Variants in PCDHGA4 observed in about 807,000 individuals in gnomAD.
The protein encoded by PCDHGA4 is protocadherin gamma subfamily A, 4, also known as protocadherin gamma-A4.
Under a neutral mutation model 54.6 loss-of-function variants are expected in PCDHGA4, and 38 were observed. The observed-to-expected ratio is 0.70, with a 90% CI of 0.54 to 0.91. The LOEUF is 0.91. Ranked by LOEUF, PCDHGA4 falls within the 40% of genes least tolerant of loss-of-function variation. The pLI, the probability that PCDHGA4 is intolerant of heterozygous loss-of-function variation, is 0.00. For missense variants in PCDHGA4, 1,298 were observed against 1,220.9 expected (o/e 1.06, Z -0.94); for synonymous variants, 511 against 512.9 (o/e 1.00, Z 0.05).
At position 141,431,516 on chromosome 5, in the gene PCDHGA4, G is replaced by C. The variant is rs941913367; in HGVS notation, c.2515-63291G>C. 3.1e-6 allele frequency: 5 copies of C among 1,613,954 alleles called. No homozygotes were observed. In the African/African-American group the frequency reaches 6.7e-5, roughly 22 times the overall value. On this transcript the variant is annotated intron_variant, in intron 1 of 3. Coordinates refer to ENST00000571252, the MANE Select transcript of PCDHGA4 (RefSeq NM_018917.4). This position sits in a 1 kb window ranked among gnomAD's most constrained non-coding sequence, Gnocchi z 4.8. ...GCCCGAGTACCGCGCGAGCGTTCCG[G>C]AGAATCTGGCCTTGGGCACGCAGCT... is the stretch of plus-strand genomic sequence containing the variant.
intron 1 of PCDHGA4, chr5:141,422,919 G>A (rs1445179310): frequency 3.7e-6 from 6 of 1,614,238 alleles, no homozygotes; most frequent in Non-Finnish European, 5.1e-6. Flanking sequence ...CCGAGATCCT[G>A]TACCCTGCCC....
intron 1 of PCDHGA4, chr5:141,414,676 CA>C (rs779931467): frequency 5.6e-5 from 91 of 1,613,916 alleles, no homozygotes; most frequent in Middle Eastern, 1.6e-4. Context: ...AGACACCATC[CA>C]GGGGGTACCT....
intron 1 of PCDHGA4, chr5:141,366,822 T>C: frequency 6.5e-7 from 1 of 1,538,974 alleles, no homozygotes; most frequent in Non-Finnish European, 8.8e-7. Flanking sequence ...TTCTGTCATA[T>C]TCAGAATCAG....
chr5:141,410,153 C>G (rs200651346), intron 1 of PCDHGA4: 9 of 1,612,786 alleles, frequency 5.6e-6, no homozygotes. Context: ...TGACGGTGGA[C>G]AGCCGCCACT....
intron 1 of PCDHGA4, chr5:141,360,993 A>G: frequency 1.2e-6 from 2 of 1,613,632 alleles, no homozygotes; most frequent in Non-Finnish European, 1.7e-6. Context: ...ATGTGGACGA[A>G]CAAGTGAAAC....
At chr5:141,450,898 C>T (rs929869116) in intron 1 of PCDHGA4, among the ~76,000 whole-genome samples, 12 of 150,412 alleles carry the variant, frequency 8.0e-5, no homozygotes, top group African/African-American at 2.9e-4. Context: ...GATATCGGCT[C>T]ACTGCAACCG....
chr5:141,389,886 G>A, intron 1 of PCDHGA4: 1 of 1,614,078 alleles, frequency 6.2e-7, no homozygotes, highest in Non-Finnish European at 8.5e-7. Context: ...CAGCTTGCAG[G>A]AGGTGCTGCC....
At chr5:141,399,645 A>C (rs762123604) in intron 1 of PCDHGA4, 8 of 1,613,676 alleles carry the variant, frequency 5.0e-6, no homozygotes, top group Admixed American at 1.7e-5. Flanking sequence ...TGAGCGCGCA[A>C]AGTGGGGTGG....
At chr5:141,405,377 G>T (rs763495028) in intron 1 of PCDHGA4, 29 of 1,603,350 alleles carry the variant, frequency 1.8e-5, no homozygotes, top group Admixed American at 3.5e-5. Flanking sequence ...TTTGGTTCCG[G>T]TGAGTTCATT....
chr5:141,368,346 CACACACATATATAT>C (rs1161760512), intron 1 of PCDHGA4, among the ~76,000 whole-genome samples: 26 of 152,176 alleles, frequency 1.7e-4, no homozygotes, highest in South Asian at 1.4e-3. Context: ...TATACATATA[CACACACATATATAT>C]ACACACATAT....
chr5:141,447,078 G>A (rs531206989), intron 1 of PCDHGA4, among the ~76,000 whole-genome samples: 5 of 152,018 alleles, frequency 3.3e-5, no homozygotes, highest in Non-Finnish European at 7.4e-5. Context: ...TTTAATTTTT[G>A]TTGTTTAATT....
rs2097383894 is a variant in PCDHGA4, at chr5:141,431,489, C to T, written c.2515-63318C>T. On this transcript the variant is annotated intron_variant, in intron 1 of 3. Transcript: ENST00000571252. This position sits in a 1 kb window ranked among gnomAD's most constrained non-coding sequence, Gnocchi z 4.8. ...GAACGACAACGCACCAGCGTTTGCTCAGCCCGAGTACCGCGCGAGCGTTCC... is the reference window on the plus strand; with the variant it reads ...GAACGACAACGCACCAGCGTTTGCTTAGCCCGAGTACCGCGCGAGCGTTCC... The T allele has an allele frequency of 1.2e-6, 2 of 1,613,850 alleles. No homozygotes were observed. The highest frequency in any genetic ancestry group is 3.3e-5 in the Admixed American group (2 of 60,016).
intron 1 of PCDHGA4, chr5:141,389,382 T>C (rs2091728828): frequency 6.2e-7 from 1 of 1,613,704 alleles, no homozygotes; most frequent in East Asian, 2.2e-5. Flanking sequence ...GCGGGAGCTG[T>C]CATCCTACGT....
At chr5:141,413,148 C>G (rs370253778) in intron 1 of PCDHGA4, 10 of 1,570,530 alleles carry the variant, frequency 6.4e-6, no homozygotes, top group Middle Eastern at 1.7e-4. Flanking sequence ...CCAGTGAGGA[C>G]TTTGCAGAAT....
Position 141,490,652 on chromosome 5 carries a change from C to T in PCDHGA4, c.2515-4155C>T, listed in dbSNP as rs1277273880. The T allele has an allele frequency of 1.2e-6, 2 of 1,614,208 alleles. No individual in the cohort carries two copies. The highest frequency in any genetic ancestry group is 1.7e-6 in the Non-Finnish European group (2 of 1,180,026). On this transcript the variant is annotated intron_variant, in intron 1 of 3. Coordinates refer to ENST00000571252, the MANE Select transcript of PCDHGA4 (RefSeq NM_018917.4). The surrounding 1 kb of genome is among the most constrained non-coding windows in gnomAD (Gnocchi z 5.4). ...ATCCTAGAAAACCGGCCTCCGGGCT[C>T]CCTTCTTTGCACTGTGGCTGCCTCA...
At chr5:141,421,267 C>A in intron 1 of PCDHGA4, 1 of 1,611,374 alleles carries the variant, frequency 6.2e-7, no homozygotes, top group South Asian at 1.1e-5. Flanking sequence ...CAGTCGGCTG[C>A]TGCTGCTGCT....
At chr5:141,418,479 C>G (rs375821205) in intron 1 of PCDHGA4, 3 of 1,614,010 alleles carry the variant, frequency 1.9e-6, no homozygotes, top group Non-Finnish European at 1.7e-6. Context: ...ACGCAGAGCG[C>G]TCACCACTTG....
intron 3 of PCDHGA4, among the ~76,000 whole-genome samples, chr5:141,509,320 C>A (rs1261653347): frequency 6.6e-6 from 1 of 152,194 alleles, no homozygotes; most frequent in Non-Finnish European, 1.5e-5. Flanking sequence ...GGGAGAGAAG[C>A]TCTACTGCCA....
Position 141,431,485 on chromosome 5 carries a change from T to G in PCDHGA4, c.2515-63322T>G. 2 of 1,613,924 alleles carry G rather than the reference T, an allele frequency of 1.2e-6. No individual in the cohort carries two copies. Among genetic ancestry groups the G allele is most frequent in the Non-Finnish European group, 1.7e-6 (2 of 1,179,990 alleles). ...ATGCGAACGACAACGCACCAGCGTTTGCTCAGCCCGAGTACCGCGCGAGCG... is the reference window on the plus strand; with the variant it reads ...ATGCGAACGACAACGCACCAGCGTTGGCTCAGCCCGAGTACCGCGCGAGCG... On this transcript the variant is annotated intron_variant, in intron 1 of 3. Coordinates refer to ENST00000571252, the MANE Select transcript of PCDHGA4 (RefSeq NM_018917.4). This position sits in a 1 kb window ranked among gnomAD's most constrained non-coding sequence, Gnocchi z 4.8.
Sources: gnomAD v4.1 joint callset for allele counts (sites outside exome capture counted in the v4.1 genomes callset) on GRCh38, gnomAD v4.1.1 for gene constraint, Gnocchi (gnomAD v3.1) non-coding constraint, MANE v1.5 for transcripts, NCBI Gene and HGNC (gene_info 2026-07-23, HGNC 2026-07-21) for gene names.